Variants in GPATCH1 observed in about 807,000 individuals in gnomAD.
GPATCH1 encodes G-patch domain containing 1, also known as G patch domain-containing protein 1.
Under a neutral mutation model 114.9 loss-of-function variants are expected in GPATCH1, and 73 were observed. The ratio of observed to expected loss-of-function variants is 0.64; its 90% confidence interval spans 0.53 to 0.77. The LOEUF is 0.77. Among genes scored for constraint, GPATCH1 ranks in the 30% least tolerant of loss-of-function variants. The probability of loss-of-function intolerance (pLI) is 0.00; values close to 1 mark genes in which losing one functional copy is unlikely to be tolerated. For missense variants in GPATCH1, 1,058 were observed against 1,144.3 expected, an observed-to-expected ratio of 0.92 and a Z score of 1.09; for synonymous variants, 391 against 428.4, an observed-to-expected ratio of 0.91 and a Z score of 1.08.
At chr19:33,126,893 G>C (rs1175907285) in intron 19 of GPATCH1, among the ~76,000 whole-genome samples, 160 bp downstream of exon 19, 1 of 152,090 alleles carries the variant, frequency 6.6e-6, no homozygotes, top group Non-Finnish European at 1.5e-5. Flanking sequence ...GAGGCAGGAG[G>C]ATCGCTTGAG....
intron 1 of GPATCH1, among the ~76,000 whole-genome samples, chr19:33,084,907 C>T (rs961017635): frequency 1.6e-4 from 24 of 152,024 alleles, no homozygotes; most frequent in African/African-American, 4.8e-5. Context: ...GTGATCCGCC[C>T]GCCTCGGCCT....
At position 33,105,940 on chromosome 19, in the gene GPATCH1, C is replaced by T. The variant is rs542319208; in HGVS notation, c.1081-755C>T. On this transcript the variant is annotated intron_variant, in intron 9 of 19. Transcript: ENST00000170564. ...TCAGCTCACTGCGACCTCTGCCTCCCGGGTTTACGCGACTCTCCTGCCTCA... is the reference window on the plus strand; with the variant it reads ...TCAGCTCACTGCGACCTCTGCCTCCTGGGTTTACGCGACTCTCCTGCCTCA... 7.9e-5 allele frequency among the ~76,000 whole-genome samples: 12 copies of T among 152,092 alleles called. No homozygotes were observed. The South Asian group carries it at 1.9e-3, about 24-fold the overall frequency.
In GPATCH1 at chr19:33,088,260, CA is replaced by C; in HGVS notation, c.204del (p.Glu69LysfsTer37). ...FSAGYFNTVG[S>X]KEGWTPSTFV... Reference sequence around the variant, plus strand: ...GCTGGATACTTCAATACTGTTGGCTCAAAAGAAGGTATCATTTTCCTAATTG... The same window carrying C: ...GCTGGATACTTCAATACTGTTGGCTCAAAGAAGGTATCATTTTCCTAATTG... On this transcript the variant is annotated frameshift_variant, in exon 2 of 20. Coordinates refer to ENST00000170564, the MANE Select transcript of GPATCH1 (RefSeq NM_018025.3). LOFTEE classifies it high-confidence loss of function. The C allele has an allele frequency of 6.3e-7, 1 of 1,596,156 alleles. No homozygotes were observed. The highest frequency in any genetic ancestry group is 8.5e-7 in the Non-Finnish European group (1 of 1,172,440).
chr19:33,090,522 C>G (rs1423418960), intron 2 of GPATCH1, among the ~76,000 whole-genome samples: 1 of 152,070 alleles, frequency 6.6e-6, no homozygotes, highest in Non-Finnish European at 1.5e-5. Context: ...GTTTAACTTT[C>G]AATGTGTAAT....
rs192904363 is a variant in GPATCH1 at position 33,106,867 on chromosome 19, G to A, written c.1253G>A (p.Arg418Gln). Residue 418 changes from arginine to glutamine, a missense_variant, in exon 10 of 20, where the codon CGG (arginine) becomes CAG (glutamine). By Grantham distance (43) the Arg-to-Gln change is conservative. Around this residue, in one of 3 missense-constraint regions of GPATCH1, gnomAD observed 893 missense variants for 977.4 expected, o/e 0.91. Coordinates refer to ENST00000170564, the MANE Select transcript of GPATCH1 (RefSeq NM_018025.3). ...HSKHQLNASK[R>Q]AELLGETPIQ... ...AAGCACCAACTGAATGCCTCCAAAC[G>A]GGCTGAGTTGCTTGGAGAGACGCCT... The A allele has an allele frequency of 1.9e-6, 3 of 1,613,918 alleles. No homozygotes were observed. The highest frequency in any genetic ancestry group is 2.7e-5 in the African/African-American group (2 of 74,994).
intron 14 of GPATCH1, 48 bp downstream of exon 14, chr19:33,113,951 C>T: frequency 6.4e-7 from 1 of 1,564,742 alleles, no homozygotes; most frequent in Non-Finnish European, 8.7e-7. Flanking sequence ...GCCTCAACCC[C>T]TAGCCTGTAG....
chr19:33,121,320 C>CTTTT (rs534893516), intron 17 of GPATCH1, among the ~76,000 whole-genome samples: 1 of 124,536 alleles, frequency 8.0e-6, no homozygotes, highest in Non-Finnish European at 1.6e-5. Flanking sequence ...CTTTTCTTTT[C>CTTTT]TTTTTTTTTT....
At chr19:33,107,153 ACT>A (rs761288744) in intron 10 of GPATCH1, among the ~76,000 whole-genome samples, 25 of 152,088 alleles carry the variant, frequency 1.6e-4, no homozygotes, top group East Asian at 3.8e-4. Context: ...GGCAGTGGTA[ACT>A]CTCTATAACC....
At chr19:33,084,519 G>A (rs1261069550) in intron 1 of GPATCH1, among the ~76,000 whole-genome samples, 2 of 151,754 alleles carry the variant, frequency 1.3e-5, no homozygotes, top group Admixed American at 1.3e-4. Flanking sequence ...GGCTTCCCTC[G>A]CCCCCAGGAC....
At chr19:33,121,695 C>T (rs1455432501) in intron 17 of GPATCH1, among the ~76,000 whole-genome samples, 1 of 152,128 alleles carries the variant, frequency 6.6e-6, no homozygotes, top group African/African-American at 2.4e-5. Flanking sequence ...ACAATCTATC[C>T]CCCATTCTGT....
At chr19:33,129,582 T>A (rs3786932) in intron 19 of GPATCH1, among the ~76,000 whole-genome samples, 20,471 of 152,140 alleles carry the variant, frequency 0.13, 1,761 homozygotes, top group East Asian at 0.39. Flanking sequence ...GTTGCTTTTA[T>A]AAGTGGTCTT....
intron 7 of GPATCH1, among the ~76,000 whole-genome samples, chr19:33,097,002 A>G (rs1395723587): frequency 6.9e-6 from 1 of 145,214 alleles, no homozygotes; most frequent in Non-Finnish European, 1.5e-5. Flanking sequence ...CTGGAGTGCA[A>G]TGGCGCGATC....
At position 33,094,206 on chromosome 19, in the gene GPATCH1, G is replaced by A. The variant is rs1339814626; in HGVS notation, c.490G>A (p.Gly164Ser). 1.9e-6 allele frequency: 3 copies of A among 1,609,040 alleles called. No homozygotes were observed. Among genetic ancestry groups the A allele is most frequent in the East Asian group, 2.2e-5 (1 of 44,862 alleles). ...TGGTTTCGAATTGCTAAGAAAAATG[G>A]GTTGGAAAGAAGGACAAGGAGTTGG... Reference protein sequence around the residue: ...SVGFELLRKMGWKEGQGVGPR... With the variant: ...SVGFELLRKMSWKEGQGVGPR... Residue 164 changes from glycine to serine, a missense_variant, in exon 5 of 20, where the codon GGT becomes AGT. Physicochemically the swap from Gly to Ser is moderately conservative, Grantham distance 56. Around this residue, in one of 3 missense-constraint regions of GPATCH1, gnomAD observed 893 missense variants for 977.4 expected, o/e 0.91. Transcript: ENST00000170564.
intron 16 of GPATCH1, among the ~76,000 whole-genome samples, 168 bp from the exon 17 acceptor site, chr19:33,118,842 C>G (rs1441015707): frequency 6.6e-6 from 1 of 152,226 alleles, no homozygotes; most frequent in Non-Finnish European, 1.5e-5. Context: ...CTGGAGTTCA[C>G]AAGGGCAGCA....
rs553885204 is a variant in GPATCH1 at position 33,120,824 on chromosome 19, C to T, written c.2521+1707C>T. 1.3e-3 allele frequency among the ~76,000 whole-genome samples: 204 copies of T among 151,568 alleles called. 1 individual carries two copies. Among genetic ancestry groups the T allele is most frequent in the African/African-American group, 4.9e-3 (202 of 41,376 alleles). On this transcript the variant is annotated intron_variant, in intron 17 of 19. Coordinates refer to ENST00000170564, the MANE Select transcript of GPATCH1 (RefSeq NM_018025.3). ...CTAACACGGTGAAACCCCATCTGTA[C>T]TAAAAATACAAAAAAATTAGCCGGA... is the stretch of plus-strand genomic sequence containing the variant.
intron 7 of GPATCH1, among the ~76,000 whole-genome samples, chr19:33,097,190 C>G (rs1052817591): frequency 2.3e-4 from 34 of 144,872 alleles, no homozygotes; most frequent in South Asian, 1.1e-3. Context: ...GTGATCCACC[C>G]GCCTCGGCCT....
intron 19 of GPATCH1, among the ~76,000 whole-genome samples, chr19:33,128,286 A>T (rs1973065357): frequency 6.6e-6 from 1 of 151,708 alleles, no homozygotes; most frequent in African/African-American, 2.4e-5. Flanking sequence ...TTTGAGACAG[A>T]GTCTTGCTCT....
rs1972658127 is a variant in GPATCH1, at chr19:33,096,314, C to T, written c.720C>T (p.Gly240=). ...ATGTGCATGGTCTAGCTTACAAGGGCCTGGATCCCCACCAGGCACTGTTTG... is the reference window on the plus strand; with the variant it reads ...ATGTGCATGGTCTAGCTTACAAGGGTCTGGATCCCCACCAGGCACTGTTTG... ...KDNVHGLAYK[G]LDPHQALFGT... is the part of the protein sequence containing the mutation. The change falls in exon 7 of 20, where the codon GGC becomes GGT. Residue 240 remains glycine (G), a synonymous_variant. Transcript: ENST00000170564. 2 of 1,614,136 alleles carry T rather than the reference C, an allele frequency of 1.2e-6. No individual in the cohort carries two copies. Among genetic ancestry groups the T allele is most frequent in the Non-Finnish European group, 1.7e-6 (2 of 1,180,032 alleles).
chr19:33,106,244 T>C (rs1390947954), intron 9 of GPATCH1, among the ~76,000 whole-genome samples: 1 of 152,088 alleles, frequency 6.6e-6, no homozygotes, highest in Non-Finnish European at 1.5e-5. Flanking sequence ...GCTCAAGCAG[T>C]CCTCCCATCT....
Sources: gnomAD v4.1 joint callset for allele counts (sites outside exome capture counted in the v4.1 genomes callset) on GRCh38, gnomAD v4.1.1 for gene constraint, gnomAD v4.1.1 regional missense constraint, MANE v1.5 for transcripts, NCBI Gene and HGNC (gene_info 2026-07-23, HGNC 2026-07-21) for gene names.